SLC38A8: variants seen among roughly 807,000 people sequenced by gnomAD.
SLC38A8 encodes solute carrier family 38 member 8.
A neutral mutation model predicts 46.0 loss-of-function variants in SLC38A8; 65 were observed. The ratio of observed to expected loss-of-function variants is 1.41; its 90% CI spans 1.16 to 1.74. SLC38A8 has a LOEUF of 1.74. Among genes scored for constraint, SLC38A8 ranks in the 40% most tolerant of loss-of-function variants. SLC38A8 has a pLI of 0.00. For missense variants in SLC38A8, 998 were observed against 567.9 expected (o/e 1.76, Z -7.70); for synonymous variants, 447 against 243.7 (o/e 1.83, Z -7.77).
Position 84,022,827 on chromosome 16 carries a change from G to T in SLC38A8, c.753C>A (p.Ala251=), listed in dbSNP as rs545727294. The T allele has an allele frequency of 6.2e-7, 1 of 1,613,526 alleles. No individual in the cohort carries two copies. Among genetic ancestry groups the T allele is most frequent in the South Asian group, 1.1e-5 (1 of 91,044 alleles). ...SMRKRSLSHW[A]LVSVLSLLAC... is the part of the protein sequence containing the mutation. ...CCAGCAAGGACAGCACAGACACCAGGGCCCAGTGGGAGAGGCTCCGTTTGC... is the reference window on the plus strand; with the variant it reads ...CCAGCAAGGACAGCACAGACACCAGTGCCCAGTGGGAGAGGCTCCGTTTGC... The change falls in exon 7 of 11, where the codon GCC becomes GCA. Residue 251 remains alanine (A), a synonymous_variant. Coordinates refer to ENST00000299709, the MANE Select transcript of SLC38A8 (RefSeq NM_001080442.3).
intron 9 of SLC38A8, among the ~76,000 whole-genome samples, chr16:84,016,299 A>C (rs1156845672): frequency 2.0e-5 from 3 of 152,262 alleles, no homozygotes; most frequent in Non-Finnish European, 4.4e-5. Flanking sequence ...GAACACAACC[A>C]AACCTCATCA....
At chr16:84,020,354 C>T (rs188517379) in intron 7 of SLC38A8, among the ~76,000 whole-genome samples, 57 of 152,248 alleles carry the variant, frequency 3.7e-4, no homozygotes, top group African/African-American at 1.3e-3. Flanking sequence ...CTACGTTGGC[C>T]AGGCTGGCCT....
At chr16:84,017,664 T>C (rs746750696) in intron 7 of SLC38A8, among the ~76,000 whole-genome samples, 6 of 152,160 alleles carry the variant, frequency 3.9e-5, no homozygotes, top group Non-Finnish European at 8.8e-5. Flanking sequence ...TGTGCACACA[T>C]TTCCAAATGG....
chr16:84,024,158 C>G (rs1219961536), intron 6 of SLC38A8, among the ~76,000 whole-genome samples: 1 of 152,146 alleles, frequency 6.6e-6, no homozygotes, highest in African/African-American at 2.4e-5. Flanking sequence ...CAAATGTTCC[C>G]TGGGGGTATA....
At chr16:84,017,438 T>C in intron 7 of SLC38A8, 151 bp from the exon 8 acceptor site, 1 of 887,872 alleles carries the variant, frequency 1.1e-6, no homozygotes, top group Non-Finnish European at 1.7e-6. Context: ...AAAGCTTTCC[T>C]GTCCTAAGCC....
At chr16:84,009,929 A>G in intron 10 of SLC38A8, 52 bp from the exon 11 acceptor site, 1 of 1,531,308 alleles carries the variant, frequency 6.5e-7, no homozygotes, top group Non-Finnish European at 9.0e-7. Context: ...TTGCACAAAT[A>G]AGCCACACAC....
intron 1 of SLC38A8, among the ~76,000 whole-genome samples, 193 bp downstream of exon 1, chr16:84,042,358 C>T (rs1007769040): frequency 2.6e-5 from 4 of 152,236 alleles, no homozygotes; most frequent in Admixed American, 6.5e-5. Flanking sequence ...GTCTCCCATT[C>T]CCTACCCACA....
chr16:84,029,409 G>C, intron 6 of SLC38A8, 85 bp downstream of exon 6: 3 of 1,474,154 alleles, frequency 2.0e-6, no homozygotes, highest in Non-Finnish European at 1.9e-6. Context: ...CTCCCTGACA[G>C]AGAAACCAAG....
intron 3 of SLC38A8, 56 bp downstream of exon 3, chr16:84,036,646 G>A (rs2085302280): frequency 5.0e-6 from 8 of 1,594,916 alleles, no homozygotes; most frequent in Non-Finnish European, 6.8e-6. Context: ...GAAACTCCAA[G>A]AGGTCATTAG....
At position 84,017,229 on chromosome 16, in the gene SLC38A8, G is replaced by C. The variant is rs367666960; in HGVS notation, c.864C>G (p.Tyr288Ter). The C allele has an allele frequency of 6.2e-7, 1 of 1,614,000 alleles. No individual in the cohort carries two copies. The highest frequency in any genetic ancestry group is 1.3e-5 in the African/African-American group (1 of 74,894). The change falls in exon 8 of 11, where the codon TAC (tyrosine) becomes TAG (stop). Residue 288 changes from tyrosine (Y) to a stop codon, truncating the protein, a stop_gained. Coordinates refer to ENST00000299709, the MANE Select transcript of SLC38A8 (RefSeq NM_001080442.3). LOFTEE classifies it high-confidence loss of function. ...TEVSADVLMSYPGNDMVIIVA... is the reference protein window; with the variant it reads ...TEVSADVLMS ...CAATGATGACCATATCATTGCCTGG[G>C]TAGGACATCAAGACGTCAGCAGAAA...
intron 10 of SLC38A8, among the ~76,000 whole-genome samples, chr16:84,011,814 G>T (rs1341081669): frequency 1.3e-5 from 2 of 152,204 alleles, no homozygotes; most frequent in East Asian, 3.8e-4. Flanking sequence ...AGCCCAGGGG[G>T]TTGAGGCTGT....
At chr16:84,023,372 A>C (rs2085118515) in intron 6 of SLC38A8, among the ~76,000 whole-genome samples, 1 of 152,186 alleles carries the variant, frequency 6.6e-6, no homozygotes, top group Admixed American at 6.6e-5. Context: ...TCTGACCAAG[A>C]AAAAGCACCC....
chr16:84,039,442 T>A (rs1241261932), intron 2 of SLC38A8, among the ~76,000 whole-genome samples: 1 of 152,092 alleles, frequency 6.6e-6, no homozygotes, highest in East Asian at 1.9e-4. Context: ...TCATAAAACA[T>A]CTGTGGTTGA....
In SLC38A8 at chr16:84,035,214, G is replaced by C. The variant is rs577621950; in HGVS notation, c.388+1488C>G. Among the ~76,000 whole-genome samples the C allele has an allele frequency of 3.3e-5, 5 of 152,348 alleles. No homozygotes were observed. The South Asian group carries it at 1.0e-3, about 32-fold the overall frequency. On this transcript the variant is annotated intron_variant, in intron 3 of 10. Transcript: ENST00000299709. ...CCAGTTCAGTGGAGTTGAAACTGCA[G>C]ACGAACTCTACTTGCCACTGTGGGG...
intron 9 of SLC38A8, among the ~76,000 whole-genome samples, chr16:84,013,415 T>C (rs1323041208): frequency 1.7e-5 from 2 of 117,030 alleles, no homozygotes; most frequent in Non-Finnish European, 3.3e-5. Context: ...TTTCTTTTGT[T>C]GTGTGTGTGT....
chr16:84,013,561 G>C (rs1451496103), intron 9 of SLC38A8, among the ~76,000 whole-genome samples: 1 of 150,456 alleles, frequency 6.6e-6, no homozygotes, highest in African/African-American at 2.4e-5. Flanking sequence ...CTCCCGAGTA[G>C]CTGGGACTAC....
chr16:84,010,680 G>A (rs1441337819), intron 10 of SLC38A8, among the ~76,000 whole-genome samples: 1 of 152,148 alleles, frequency 6.6e-6, no homozygotes, highest in African/African-American at 2.4e-5. Context: ...GGAGGCAGAG[G>A]TCGCAGTGAG....
At chr16:84,017,035 G>C in intron 8 of SLC38A8, 105 bp downstream of exon 8, 1 of 1,446,914 alleles carries the variant, frequency 6.9e-7, no homozygotes, top group Non-Finnish European at 9.3e-7. Flanking sequence ...CAATTGGAGA[G>C]GATGGTAGTC....
intron 6 of SLC38A8, among the ~76,000 whole-genome samples, chr16:84,023,686 G>C (rs1292358798): frequency 1.3e-5 from 2 of 148,208 alleles, no homozygotes; most frequent in Admixed American, 7.2e-5. Flanking sequence ...TTGAGGTCAG[G>C]AGTTTGAGAC....
Sources: allele counts gnomAD v4.1 joint callset (sites outside exome capture counted in the v4.1 genomes callset), GRCh38; gene constraint gnomAD v4.1.1; transcripts MANE v1.5; gene names NCBI Gene and HGNC (gene_info 2026-07-23, HGNC 2026-07-21).